The following SMOC2 variants were observed in gnomAD, a reference collection of about 807,000 sequenced individuals.
The protein encoded by SMOC2 is SPARC-related modular calcium-binding protein 2.
Under a neutral mutation model 61.4 loss-of-function variants are expected in SMOC2, and 39 were observed. The ratio of observed to expected loss-of-function variants is 0.64; its 90% CI spans 0.49 to 0.83. SMOC2 has a LOEUF of 0.83. SMOC2 is among the 40% of genes least tolerant of loss of function. SMOC2 has a pLI of 0.00. For synonymous variants in SMOC2, 247 were observed against 239.9 expected, an observed-to-expected ratio of 1.03 and a Z score of -0.27; for missense variants, 556 against 592.9, an observed-to-expected ratio of 0.94 and a Z score of 0.65.
intron 1 of SMOC2, among the ~76,000 whole-genome samples, chr6:168,454,450 C>T (rs141538920): frequency 7.2e-4 from 110 of 152,214 alleles, no homozygotes; most frequent in Non-Finnish European, 1.0e-3. Context: ...AATAGCCCCT[C>T]GTAACTTCAC....
intron 1 of SMOC2, among the ~76,000 whole-genome samples, chr6:168,458,752 C>T (rs1781650472): frequency 6.6e-6 from 1 of 152,200 alleles, no homozygotes. Context: ...TGCTGTGTGC[C>T]TCACACCCCC....
chr6:168,579,246 C>T (rs1784873256), intron 7 of SMOC2, among the ~76,000 whole-genome samples: 1 of 137,496 alleles, frequency 7.3e-6, no homozygotes, highest in African/African-American at 2.6e-5. Context: ...TTTCCTTTTT[C>T]TCATCTTAAT....
chr6:168,484,797 C>T (rs1013588753), intron 1 of SMOC2, among the ~76,000 whole-genome samples: 1 of 152,182 alleles, frequency 6.6e-6, no homozygotes, highest in African/African-American at 2.4e-5. Context: ...ACACAGGCAG[C>T]AATGTGGATG....
intron 8 of SMOC2, among the ~76,000 whole-genome samples, chr6:168,599,325 ACACACACTCATACC>A (rs1414706105): frequency 7.2e-6 from 1 of 139,578 alleles, no homozygotes; most frequent in African/African-American, 2.7e-5. Flanking sequence ...ACACTGTTTC[ACACACACTCATACC>A]CACACACAAC....
intron 2 of SMOC2, among the ~76,000 whole-genome samples, chr6:168,514,518 C>G (rs1783085947): frequency 6.6e-6 from 1 of 152,230 alleles, no homozygotes; most frequent in African/African-American, 2.4e-5. Flanking sequence ...GTGTGTGAGA[C>G]TCACACTGGA....
rs1341372176 is a variant in SMOC2 at position 168,595,187 on chromosome 6, G to A, written c.638-3631G>A. Among the ~76,000 whole-genome samples, 2 of 119,636 alleles carry A rather than the reference G, an allele frequency of 1.7e-5. 1 individual carries two copies. Among genetic ancestry groups the A allele is most frequent in the African/African-American group, 6.8e-5 (2 of 29,374 alleles). 78.5% of individuals were successfully genotyped at this position (119,636 alleles called of 152,430 possible). ...TCGCCGAGCTCCTCCTCCTTCCTGA[G>A]GCCTCACGAGGGGCATCTTTCTAGA... On this transcript the variant is annotated intron_variant, in intron 7 of 12. Transcript: ENST00000356284.
intron 1 of SMOC2, among the ~76,000 whole-genome samples, chr6:168,491,786 C>T (rs1459963539): frequency 1.3e-5 from 2 of 151,922 alleles, no homozygotes; most frequent in Non-Finnish European, 2.9e-5. Context: ...GCTTGTTGGC[C>T]GTATTATAAG....
intron 2 of SMOC2, among the ~76,000 whole-genome samples, chr6:168,512,354 T>C (rs937862387): frequency 6.6e-6 from 1 of 152,128 alleles, no homozygotes; most frequent in African/African-American, 2.4e-5. Flanking sequence ...TGTCCAGGGG[T>C]GCCAGACCCC....
At chr6:168,641,336 ACTGACGTCAACCTTAC>A (rs1163440014) in intron 9 of SMOC2, among the ~76,000 whole-genome samples, 1 of 152,128 alleles carries the variant, frequency 6.6e-6, no homozygotes. Context: ...ACTCTACAGC[ACTGACGTCAACCTTAC>A]CTGTATCACC....
At chr6:168,637,855 G>A (rs1246317704) in intron 9 of SMOC2, among the ~76,000 whole-genome samples, 2 of 152,218 alleles carry the variant, frequency 1.3e-5, no homozygotes, top group East Asian at 1.9e-4. Context: ...CGGGGAAGGG[G>A]AAGCTGGGCC....
intron 1 of SMOC2, among the ~76,000 whole-genome samples, chr6:168,480,909 T>C (rs1429380667): frequency 6.6e-6 from 1 of 152,132 alleles, no homozygotes; most frequent in East Asian, 1.9e-4. Context: ...GGTGGGCAGA[T>C]AAATTCAGGG....
At chr6:168,534,393 C>T (rs560685382) in intron 4 of SMOC2, among the ~76,000 whole-genome samples, 14 of 152,158 alleles carry the variant, frequency 9.2e-5, no homozygotes, top group Non-Finnish European at 1.3e-4. Context: ...TCTGACAAGC[C>T]GCTTCAGGCC....
chr6:168,441,329 G>A lies in SMOC2; in HGVS notation c.-42G>A, dbSNP rs1189114812. ...GCTCTCCCGGCTGCAGTGCCAGGGC[G>A]CAGGACGCGGCCGATCTCCCGCTCC... On this transcript the variant is annotated 5_prime_UTR_variant, in exon 1 of 13. Coordinates refer to ENST00000356284, the MANE Select transcript of SMOC2 (RefSeq NM_001166412.2). 1 of 1,491,818 alleles carries A rather than the reference G, an allele frequency of 6.7e-7. No homozygotes were observed. The highest frequency in any genetic ancestry group is 1.5e-5 in the African/African-American group (1 of 68,532). 92.4% of individuals were successfully genotyped at this position (1,491,818 alleles called of 1,614,324 possible). A position where few individuals can be genotyped will look rare whatever the true frequency, so the allele number is the denominator to read the frequency against.
At chr6:168,656,520 AAAAAAAAAAAGAAAAG>A (rs1787326438) in intron 11 of SMOC2, among the ~76,000 whole-genome samples, 1 of 146,136 alleles carries the variant, frequency 6.8e-6, no homozygotes, top group African/African-American at 2.5e-5. Flanking sequence ...AAAAAAAAAA[AAAAAAAAAAAGAAAAG>A]AAAAGAAAAA....
chr6:168,586,365 C>T (rs1562363998), intron 7 of SMOC2, among the ~76,000 whole-genome samples: 1 of 152,012 alleles, frequency 6.6e-6, no homozygotes, highest in Non-Finnish European at 1.5e-5. Flanking sequence ...GTCCTTTTTC[C>T]ACTAACATCT....
chr6:168,598,143 G>T (rs1395025739), intron 7 of SMOC2, among the ~76,000 whole-genome samples: 1 of 152,208 alleles, frequency 6.6e-6, no homozygotes, highest in Non-Finnish European at 1.5e-5. Flanking sequence ...GCTTGTTTTG[G>T]AAAGAGTGCA....
In SMOC2 at chr6:168,516,801, A is replaced by C. The variant is rs574853009; in HGVS notation, c.256+6715A>C. Among the ~76,000 whole-genome samples the C allele has an allele frequency of 6.7e-4, 102 of 152,226 alleles. No homozygotes were observed. In the South Asian group the frequency reaches 0.012, roughly 18 times the overall value. On this transcript the variant is annotated intron_variant, in intron 2 of 12. Coordinates refer to ENST00000356284, the MANE Select transcript of SMOC2 (RefSeq NM_001166412.2). ...GTCTCTACTAAAAATACAACAACAA[A>C]AAAATAGCCGGTAGTAGTGTCAGGT...
chr6:168,567,835 T>C (rs9456193), intron 7 of SMOC2, among the ~76,000 whole-genome samples: 5,411 of 141,064 alleles, frequency 0.038, 328 homozygotes, highest in African/African-American at 0.13. Flanking sequence ...AGGCGAAGAC[T>C]GGATGGTGTG....
At chr6:168,474,261 C>T (rs929385135) in intron 1 of SMOC2, among the ~76,000 whole-genome samples, 2 of 152,122 alleles carry the variant, frequency 1.3e-5, no homozygotes, top group African/African-American at 2.4e-5. Flanking sequence ...CTGCTCTGTG[C>T]ACCTGTGCAT....
Sources: gnomAD v4.1 joint callset for allele counts (sites outside exome capture counted in the v4.1 genomes callset) on GRCh38, gnomAD v4.1.1 for gene constraint, MANE v1.5 for transcripts, NCBI Gene and HGNC (gene_info 2026-07-23, HGNC 2026-07-21) for gene names.